PATJ: variants seen among roughly 807,000 people sequenced by gnomAD.
The protein encoded by PATJ is PATJ crumbs cell polarity complex component.
In PATJ, 190 loss-of-function variants were observed where a neutral mutation model predicts 224.9. The observed-to-expected ratio is 0.84, with a 90% CI of 0.75 to 0.95. The LOEUF is 0.95. Ranked by LOEUF, PATJ falls within the 40% of genes least tolerant of loss-of-function variation. The pLI, the probability that PATJ is intolerant of heterozygous loss-of-function variation, is 0.00. For synonymous variants in PATJ, 769 were observed against 820.3 expected (o/e 0.94, Z 1.07); for missense variants, 2,121 against 2,270.3 (o/e 0.93, Z 1.34).
At chr1:62,064,607 A>G (rs922550349) in intron 31 of PATJ, among the ~76,000 whole-genome samples, 2 of 152,186 alleles carry the variant, frequency 1.3e-5, no homozygotes, top group East Asian at 1.9e-4. Context: ...GCTGGGTGGC[A>G]TGAGCCACCG....
Position 62,101,416 on chromosome 1 carries a change from T to C in PATJ, c.4378-7021T>C, listed in dbSNP as rs537159365. Among the ~76,000 whole-genome samples, 3 of 151,964 alleles carry C rather than the reference T, an allele frequency of 2.0e-5. 1 individual carries two copies. The highest frequency in any genetic ancestry group is 7.2e-5 in the African/African-American group (3 of 41,488). On this transcript the variant is annotated intron_variant, in intron 33 of 43. Coordinates refer to ENST00000642238, the MANE Select transcript of PATJ (RefSeq NM_001350145.3). ...TAGCTGGGACTACAGGCACGCACTA[T>C]CACGCCCAGCTAATTTTTGAGTTTT...
intron 22 of PATJ, among the ~76,000 whole-genome samples, chr1:61,889,292 C>G (rs1245526135): frequency 6.6e-6 from 1 of 152,204 alleles, no homozygotes; most frequent in East Asian, 1.9e-4. Context: ...GCACTAACTT[C>G]TCCTTACCTT....
chr1:61,744,672 T>A (rs1250317606), intron 1 of PATJ, among the ~76,000 whole-genome samples: 1 of 152,176 alleles, frequency 6.6e-6, no homozygotes, highest in Non-Finnish European at 1.5e-5. Flanking sequence ...AGGACTTCTG[T>A]GACCAAATAA....
intron 21 of PATJ, among the ~76,000 whole-genome samples, chr1:61,883,750 C>G (rs1303602461): frequency 2.0e-4 from 21 of 104,002 alleles, no homozygotes; most frequent in African/African-American, 7.8e-4. Flanking sequence ...AGAGAGACTC[C>G]GTCTCTTAAA....
chr1:62,061,269 C>G (rs560158486), intron 31 of PATJ, among the ~76,000 whole-genome samples: 1 of 152,050 alleles, frequency 6.6e-6, no homozygotes, highest in Non-Finnish European at 1.5e-5. Context: ...ACAATCTCTA[C>G]CTCCCAGGTT....
Position 61,810,728 on chromosome 1 carries a change from A to C in PATJ, c.1683+2198A>C, listed in dbSNP as rs570777423. On this transcript the variant is annotated intron_variant, in intron 14 of 43. Transcript: ENST00000642238. ...TAAATAAATAAATAAATAAATAAAT[A>C]AATAAATAAATAAATAAACCCAGTC... 7.7e-4 allele frequency among the ~76,000 whole-genome samples: 116 copies of C among 150,842 alleles called. No individual in the cohort carries two copies. The East Asian group carries it at 9.7e-3, about 13-fold the overall frequency.
chr1:62,113,782 T>A (rs1239721421), intron 34 of PATJ, among the ~76,000 whole-genome samples: 1 of 152,250 alleles, frequency 6.6e-6, no homozygotes, highest in Non-Finnish European at 1.5e-5. Context: ...CTCTCCTGTC[T>A]CTTTCATTGA....
At chr1:62,127,703 A>T (rs1411158931) in intron 39 of PATJ, among the ~76,000 whole-genome samples, 1 of 152,180 alleles carries the variant, frequency 6.6e-6, no homozygotes. Flanking sequence ...GCTACTCAGG[A>T]GGCTGAGGCA....
chr1:62,102,929 C>G (rs1453125147), intron 33 of PATJ, among the ~76,000 whole-genome samples: 1 of 151,252 alleles, frequency 6.6e-6, no homozygotes, highest in South Asian at 2.1e-4. Context: ...GGGAGGGGGC[C>G]TATGCATCAT....
At chr1:62,037,565 G>C (rs1021566173) in intron 29 of PATJ, among the ~76,000 whole-genome samples, 1 of 152,148 alleles carries the variant, frequency 6.6e-6, no homozygotes, top group African/African-American at 2.4e-5. Context: ...AGGAGGCTGG[G>C]ATCCTTTCCA....
chr1:61,941,300 T>C (rs565051122), intron 27 of PATJ, among the ~76,000 whole-genome samples: 7 of 152,346 alleles, frequency 4.6e-5, no homozygotes, highest in Admixed American at 4.6e-4. Context: ...TTCTACCTTG[T>C]AGCATTTACG....
chr1:61,814,639 TCTTA>T (rs765466946), intron 14 of PATJ, among the ~76,000 whole-genome samples: 3 of 152,158 alleles, frequency 2.0e-5, no homozygotes, highest in South Asian at 2.1e-4. Flanking sequence ...TACGTTAATT[TCTTA>T]CTTATTAAAT....
At chr1:61,935,783 C>T (rs945104821) in intron 27 of PATJ, among the ~76,000 whole-genome samples, 2 of 150,528 alleles carry the variant, frequency 1.3e-5, no homozygotes, top group East Asian at 1.9e-4. Flanking sequence ...AGAGTGAGAC[C>T]CTGTCTGAAA....
At chr1:61,992,216 C>G (rs1361468518) in intron 28 of PATJ, among the ~76,000 whole-genome samples, 3 of 150,842 alleles carry the variant, frequency 2.0e-5, no homozygotes, top group African/African-American at 7.3e-5. Context: ...CTCCCAAGTT[C>G]AAGAGATTTT....
chr1:62,070,624 G>A (rs1657221813), intron 31 of PATJ, among the ~76,000 whole-genome samples: 1 of 152,180 alleles, frequency 6.6e-6, no homozygotes, highest in African/African-American at 2.4e-5. Flanking sequence ...GCTAAGGGAA[G>A]AATTACAAGA....
chr1:61,813,667 G>A (rs555959219), intron 14 of PATJ, among the ~76,000 whole-genome samples: 7 of 152,036 alleles, frequency 4.6e-5, no homozygotes, highest in South Asian at 2.1e-4. Flanking sequence ...AAGTTATACC[G>A]TATAGGTGAT....
At chr1:61,999,496 C>A (rs1215902791) in intron 28 of PATJ, among the ~76,000 whole-genome samples, 1 of 151,988 alleles carries the variant, frequency 6.6e-6, no homozygotes, top group Non-Finnish European at 1.5e-5. Flanking sequence ...GGTGAAACCC[C>A]ATCTCTACTA....
chr1:62,059,290 G>A (rs765529426), intron 31 of PATJ, among the ~76,000 whole-genome samples: 25 of 152,160 alleles, frequency 1.6e-4, no homozygotes, highest in Non-Finnish European at 3.4e-4. Flanking sequence ...ATAAAGATGA[G>A]ATTAACCTTT....
In PATJ at chr1:61,822,962, T is replaced by A; in HGVS notation, c.1701T>A (p.Thr567=). The stretch of plus-strand genomic sequence containing the variant: ...TGCTACAGCTGCTGCCTATTCACAC[T>A]CTGAGGCTTGGTGTGGAAGTGGATT... ...QKYSKLLPIH[T]LRLGVEVDSF... Residue 567 remains threonine (T), a synonymous_variant, in exon 15 of 44, where the codon ACT becomes ACA. Transcript: ENST00000642238. 1.9e-6 allele frequency: 3 copies of A among 1,614,158 alleles called. No individual in the cohort carries two copies. The highest frequency in any genetic ancestry group is 2.5e-6 in the Non-Finnish European group (3 of 1,180,016).
Sources: gnomAD v4.1 joint callset for allele counts (sites outside exome capture counted in the v4.1 genomes callset) on GRCh38, gnomAD v4.1.1 for gene constraint, MANE v1.5 for transcripts, NCBI Gene and HGNC (gene_info 2026-07-23, HGNC 2026-07-21) for gene names.